The following FGF10 variants were observed in gnomAD, a reference collection of about 807,000 sequenced individuals.
FGF10 encodes FGF-10.
Under a neutral mutation model 19.8 loss-of-function variants are expected in FGF10, and 2 were observed. That is an observed-to-expected ratio of 0.10 (90% CI 0.04 to 0.32). The LOEUF (loss-of-function observed/expected upper bound fraction) is 0.32. FGF10 is among the 10% of genes least tolerant of loss of function. FGF10 has a pLI of 1.00. For missense variants in FGF10, 191 were observed against 246.3 expected (o/e 0.78, Z 1.50); for synonymous variants, 112 against 94.0 (o/e 1.19, Z -1.10).
At position 44,302,974 on chromosome 5, in the gene FGF10, A is replaced by G. The variant is rs566768276; in HGVS notation, c.*2021T>C. Among the ~76,000 whole-genome samples the G allele has an allele frequency of 1.2e-4, 19 of 152,290 alleles. No homozygotes were observed. The highest frequency in any genetic ancestry group is 4.6e-4 in the African/African-American group (19 of 41,556). On this transcript the variant is annotated 3_prime_UTR_variant, in exon 3 of 3. Transcript: ENST00000264664. ...TATTATTTTAAAATAAAGGAAAAAA[A>G]GATACCTAGTTTTGATAGGAATGCA...
At chr5:44,360,440 C>T (rs1248564204) in intron 1 of FGF10, among the ~76,000 whole-genome samples, 1 of 151,504 alleles carries the variant, frequency 6.6e-6, no homozygotes, top group Non-Finnish European at 1.5e-5. Flanking sequence ...CAACCATAAG[C>T]ATCTGATCCT....
Position 44,368,286 on chromosome 5 carries a change from A to G in FGF10, c.325+20072T>C, listed in dbSNP as rs527787891. On this transcript the variant is annotated intron_variant, in intron 1 of 2. Coordinates refer to ENST00000264664, the MANE Select transcript of FGF10 (RefSeq NM_004465.2). ...TGATGGATGGCATTTTTCAATGAGT[A>G]AAATTGGAAGTATGCAATTCAGATT... Among the ~76,000 whole-genome samples the G allele has an allele frequency of 2.0e-5, 3 of 152,250 alleles. No homozygotes were observed. In the South Asian group the frequency reaches 6.2e-4, roughly 32 times the overall value.
intron 1 of FGF10, among the ~76,000 whole-genome samples, chr5:44,376,507 A>AAAAAC (rs1741863703): frequency 7.3e-6 from 1 of 137,176 alleles, no homozygotes; most frequent in Non-Finnish European, 1.6e-5. Context: ...AAAAAAAAAA[A>AAAAAC]AAAAAAAAAA....
intron 1 of FGF10, among the ~76,000 whole-genome samples, chr5:44,337,545 A>C (rs930222310): frequency 4.6e-5 from 7 of 152,258 alleles, no homozygotes; most frequent in Admixed American, 4.6e-4. Context: ...CATTTATTTC[A>C]GTTTGTTGAA....
At chr5:44,357,749 C>A (rs1197841770) in intron 1 of FGF10, among the ~76,000 whole-genome samples, 1 of 151,432 alleles carries the variant, frequency 6.6e-6, no homozygotes, top group African/African-American at 2.4e-5. Context: ...GGGCAAAATT[C>A]TCCTGCTTTT....
At chr5:44,356,648 A>G (rs1254685564) in intron 1 of FGF10, among the ~76,000 whole-genome samples, 1 of 151,452 alleles carries the variant, frequency 6.6e-6, no homozygotes, top group Non-Finnish European at 1.5e-5. Flanking sequence ...CCACGCCTTT[A>G]TTCAATATAA....
intron 2 of FGF10, among the ~76,000 whole-genome samples, chr5:44,306,524 C>G (rs185703306): frequency 0.013 from 1,760 of 138,384 alleles, 35 homozygotes; most frequent in African/African-American, 0.043. Context: ...TCATCCAAAG[C>G]AAGGGCCCCG....
chr5:44,374,941 T>C (rs1298461243), intron 1 of FGF10, among the ~76,000 whole-genome samples: 2 of 152,160 alleles, frequency 1.3e-5, no homozygotes, highest in East Asian at 1.9e-4. Flanking sequence ...TCTTAAATAA[T>C]GATAGCCCTA....
intron 1 of FGF10, among the ~76,000 whole-genome samples, chr5:44,355,199 C>T (rs956924476): frequency 2.0e-5 from 3 of 151,414 alleles, no homozygotes; most frequent in Non-Finnish European, 4.4e-5. Flanking sequence ...CCAAGTATAA[C>T]CATTCTCTCC....
At chr5:44,385,557 CT>C (rs200636775) in intron 1 of FGF10, among the ~76,000 whole-genome samples, 1 of 152,074 alleles carries the variant, frequency 6.6e-6, no homozygotes, top group East Asian at 1.9e-4. Flanking sequence ...GAAAATTAAT[CT>C]TCAAATAAGC....
intron 1 of FGF10, among the ~76,000 whole-genome samples, chr5:44,335,225 C>G (rs17234268): frequency 0.071 from 10,857 of 152,058 alleles, 517 homozygotes; most frequent in Middle Eastern, 0.11. Context: ...ACAATGATCA[C>G]TCACCAAGAG....
intron 1 of FGF10, among the ~76,000 whole-genome samples, chr5:44,379,583 T>G (rs1436239747): frequency 1.3e-5 from 2 of 152,148 alleles, no homozygotes; most frequent in African/African-American, 2.4e-5. Context: ...TACCTCCTCT[T>G]TAGCAGGAAC....
chr5:44,314,000 T>C (rs1740273259), intron 1 of FGF10, among the ~76,000 whole-genome samples: 1 of 152,048 alleles, frequency 6.6e-6, no homozygotes, highest in South Asian at 2.1e-4. Flanking sequence ...CTTAAGATGA[T>C]GACAAGGGGA....
intron 1 of FGF10, among the ~76,000 whole-genome samples, chr5:44,351,408 G>A (rs1301130481): frequency 6.6e-6 from 1 of 151,510 alleles, no homozygotes; most frequent in Non-Finnish European, 1.5e-5. Context: ...AATAACAGAT[G>A]TCACCTTCTC....
chr5:44,375,622 G>A (rs1741835589), intron 1 of FGF10, among the ~76,000 whole-genome samples: 1 of 152,162 alleles, frequency 6.6e-6, no homozygotes, highest in Admixed American at 6.5e-5. Flanking sequence ...ATATGACATG[G>A]GATGTGATGG....
chr5:44,370,735 C>A (rs1030219403), intron 1 of FGF10, among the ~76,000 whole-genome samples: 2 of 152,080 alleles, frequency 1.3e-5, no homozygotes, highest in Non-Finnish European at 2.9e-5. Context: ...ATGAGAGAAA[C>A]AAATTTTCTG....
chr5:44,371,598 C>T (rs1017582936), intron 1 of FGF10, among the ~76,000 whole-genome samples: 1 of 152,056 alleles, frequency 6.6e-6, no homozygotes. Context: ...TTGAATGTAT[C>T]GCCCAAAGGA....
chr5:44,316,610 A>G (rs189444052), intron 1 of FGF10, among the ~76,000 whole-genome samples: 71 of 152,322 alleles, frequency 4.7e-4, no homozygotes, highest in African/African-American at 1.6e-3. Context: ...GCTTTGATGC[A>G]AAAAAGCATT....
At chr5:44,326,498 A>C (rs1353165011) in intron 1 of FGF10, among the ~76,000 whole-genome samples, 1 of 152,008 alleles carries the variant, frequency 6.6e-6, no homozygotes, top group Non-Finnish European at 1.5e-5. Context: ...TCCCAGGCTC[A>C]AGCGATCCTC....
Sources: allele counts gnomAD v4.1 joint callset (sites outside exome capture counted in the v4.1 genomes callset), GRCh38; gene constraint gnomAD v4.1.1; transcripts MANE v1.5; gene names NCBI Gene and HGNC (gene_info 2026-07-23, HGNC 2026-07-21).